Variants in RPAP2 observed in about 807,000 individuals in gnomAD.
RPAP2 encodes RNA polymerase II associated protein 2, also known as putative RNA polymerase II subunit B1 CTD phosphatase RPAP2.
Under a neutral mutation model 73.1 loss-of-function variants are expected in RPAP2, and 52 were observed. That is an observed-to-expected ratio of 0.71 (90% CI 0.57 to 0.90). The LOEUF is 0.90. Ranked by LOEUF, RPAP2 falls within the 40% of genes least tolerant of loss-of-function variation. The probability of loss-of-function intolerance (pLI) is 0.00; values close to 1 mark genes in which losing one functional copy is unlikely to be tolerated. For synonymous variants in RPAP2, 225 were observed against 242.1 expected (o/e 0.93, Z 0.65); for missense variants, 598 against 701.8 (o/e 0.85, Z 1.67).
rs193032375 is a variant in RPAP2 at position 92,329,309 on chromosome 1, A to G, written c.1456-4082A>G. On this transcript the variant is annotated intron_variant, in intron 8 of 12. Transcript: ENST00000610020. The stretch of plus-strand genomic sequence containing the variant: ...CATTGTGTGATTCCCAGGCCAATGG[A>G]GTTATGTTCCCAGGTGGATTATGGC... Among the ~76,000 whole-genome samples, 535 of 152,184 alleles carry G rather than the reference A, an allele frequency of 3.5e-3. 1 individual carries two copies. The highest frequency in any genetic ancestry group is 6.1e-3 in the Non-Finnish European group (412 of 68,002).
chr1:92,299,946 G>A (rs185193905), intron 1 of RPAP2, among the ~76,000 whole-genome samples: 3 of 152,264 alleles, frequency 2.0e-5, no homozygotes, highest in Admixed American at 2.0e-4. Context: ...CCATCATCGA[G>A]TGCACTTACA....
intron 10 of RPAP2, 53 bp from the exon 11 acceptor site, chr1:92,345,793 A>G: frequency 9.0e-7 from 1 of 1,114,720 alleles, no homozygotes; most frequent in Non-Finnish European, 1.3e-6. Flanking sequence ...AGAAAGAAAT[A>G]GAAAGTTTAT....
rs1159877036 is a variant in RPAP2, at chr1:92,391,043, A to C, written c.*4032A>C. ...GCTCTGGACCAAGCAGACCTAATAG[A>C]CATCGACAGAACTCTCCACCCCAAA... On this transcript the variant is annotated 3_prime_UTR_variant, in exon 13 of 13. Coordinates refer to ENST00000610020, the MANE Select transcript of RPAP2 (RefSeq NM_024813.3). The C allele has an allele frequency of 6.6e-6, 1 of 152,242 alleles. No individual in the cohort carries two copies. The highest frequency in any genetic ancestry group is 1.5e-5 in the Non-Finnish European group (1 of 68,044). The allele number at this position is 152,242 out of a possible 1,614,324, so 9.4% of individuals were successfully genotyped here.
In RPAP2 at chr1:92,303,966, T is replaced by C. The variant is rs746502898; in HGVS notation, c.235-11T>C. On this transcript the variant is annotated splice_polypyrimidine_tract_variant and intron_variant, in intron 3 of 12. Transcript: ENST00000610020. ...AAACTAGGAGGAAATAACCCTCTCA[T>C]TTCATTTTAGGGGAGGTTCATTACA... The C allele has an allele frequency of 1.3e-6, 2 of 1,576,782 alleles. No homozygotes were observed. The highest frequency in any genetic ancestry group is 2.3e-5 in the South Asian group (2 of 86,038).
intron 11 of RPAP2, among the ~76,000 whole-genome samples, chr1:92,377,516 C>CAAA (rs530908177): frequency 1.0e-4 from 8 of 76,582 alleles, no homozygotes; most frequent in African/African-American, 1.6e-4. Context: ...AACTTTGTCT[C>CAAA]AAAAAAAAAA....
At chr1:92,337,721 T>C (rs888664099) in intron 10 of RPAP2, among the ~76,000 whole-genome samples, 7 of 152,120 alleles carry the variant, frequency 4.6e-5, no homozygotes, top group Non-Finnish European at 1.0e-4. Flanking sequence ...TGGATTATTA[T>C]ATATCTGTTG....
intron 6 of RPAP2, among the ~76,000 whole-genome samples, chr1:92,316,431 A>G (rs1247616220): frequency 1.3e-5 from 2 of 152,214 alleles, no homozygotes; most frequent in African/African-American, 4.8e-5. Flanking sequence ...TACATATAAC[A>G]TACATATTCC....
At chr1:92,333,201 G>A (rs1185420792) in intron 8 of RPAP2, 190 bp from the exon 9 acceptor site, 2 of 529,162 alleles carry the variant, frequency 3.8e-6, no homozygotes, top group African/African-American at 1.9e-5. Flanking sequence ...GAGGGCAAAT[G>A]ACTCAAAGAA....
intron 3 of RPAP2, among the ~76,000 whole-genome samples, chr1:92,302,744 C>T (rs1048653162): frequency 3.3e-5 from 5 of 151,374 alleles, no homozygotes; most frequent in African/African-American, 1.2e-4. Context: ...TGGGACTGGG[C>T]GCCCACCATT....
At position 92,387,024 on chromosome 1, in the gene RPAP2, A is replaced by G. The variant is rs554752692; in HGVS notation, c.*13A>G. 7.6e-6 allele frequency: 12 copies of G among 1,588,654 alleles called. No individual in the cohort carries two copies. In the East Asian group the frequency reaches 2.3e-4, roughly 30 times the overall value. ...TTTGCTTCACAGATATATTCCATGA[A>G]GACAAAATAGAAGATGAACTTCTAT... On this transcript the variant is annotated 3_prime_UTR_variant, in exon 13 of 13. Transcript: ENST00000610020.
Position 92,389,312 on chromosome 1 carries a change from A to G in RPAP2, c.*2301A>G, listed in dbSNP as rs1655971270. ...AGACCTGCAGCTAAGGGGCCTGTCT[A>G]TTAGAAGGAAAACTAACAGAAAGGA... On this transcript the variant is annotated 3_prime_UTR_variant, in exon 13 of 13. Transcript: ENST00000610020. 6.6e-6 allele frequency: 1 copy of G among 152,482 alleles called. No homozygotes were observed. The highest frequency in any genetic ancestry group is 2.4e-5 in the African/African-American group (1 of 41,460). 9.4% of individuals were successfully genotyped at this position (152,482 alleles called of 1,614,324 possible).
In RPAP2 at chr1:92,368,402, C is replaced by T. The variant is rs116557523; in HGVS notation, c.1689-12322C>T. Among the ~76,000 whole-genome samples, 272 of 152,102 alleles carry T rather than the reference C, an allele frequency of 1.8e-3. 3 individuals carry two copies. The highest frequency in any genetic ancestry group is 6.0e-3 in the African/African-American group (249 of 41,526). The stretch of plus-strand genomic sequence containing the variant: ...TCAAAAAAAGAAAAAAATCCAAGTT[C>T]GTTACTGACTTTTATTGTACTCCAC... On this transcript the variant is annotated intron_variant, in intron 11 of 12. Coordinates refer to ENST00000610020, the MANE Select transcript of RPAP2 (RefSeq NM_024813.3).
rs1654785413 is a variant in RPAP2 at position 92,362,788 on chromosome 1, T to A, written c.1688+16874T>A. On this transcript the variant is annotated intron_variant, in intron 11 of 12. Coordinates refer to ENST00000610020, the MANE Select transcript of RPAP2 (RefSeq NM_024813.3). Reference sequence around the variant, plus strand: ...ATGTTTTTTATCACTTACAGGTTTTTCATTGCAATGAGTGACAAATCTGCT... The same window carrying A: ...ATGTTTTTTATCACTTACAGGTTTTACATTGCAATGAGTGACAAATCTGCT... Among the ~76,000 whole-genome samples, 3 of 152,290 alleles carry A rather than the reference T, an allele frequency of 2.0e-5. No individual in the cohort carries two copies. The South Asian group carries it at 6.2e-4, about 32-fold the overall frequency.
intron 10 of RPAP2, among the ~76,000 whole-genome samples, chr1:92,338,243 C>G (rs900483265): frequency 1.4e-4 from 21 of 152,098 alleles, no homozygotes; most frequent in Non-Finnish European, 2.5e-4. Context: ...GATTTTTACC[C>G]TCATTAGGTG....
chr1:92,351,305 C>CAAAAAAAAAAAAA lies in RPAP2; in HGVS notation c.1688+5402_1688+5414dup, dbSNP rs60111119. Reference sequence around the variant, plus strand: ...CTGGTGACCGAGTGAGACTCTGTCTCAAAAAAAAAAAAAAAAAAAAAAAGA... The same window carrying CAAAAAAAAAAAAA: ...CTGGTGACCGAGTGAGACTCTGTCTCAAAAAAAAAAAAAAAAAAAAAAAAAAAAAAAAAAAAGA... On this transcript the variant is annotated intron_variant, in intron 11 of 12. Coordinates refer to ENST00000610020, the MANE Select transcript of RPAP2 (RefSeq NM_024813.3). Among the ~76,000 whole-genome samples the CAAAAAAAAAAAAA allele has an allele frequency of 7.8e-4, 68 of 86,840 alleles. 1 individual carries two copies. Among genetic ancestry groups the CAAAAAAAAAAAAA allele is most frequent in the African/African-American group, 2.6e-3 (61 of 23,830 alleles). 57.0% of individuals were successfully genotyped at this position (86,840 alleles called of 152,430 possible).
chr1:92,348,200 A>G lies in RPAP2; in HGVS notation c.1688+2286A>G, dbSNP rs144979781. Among the ~76,000 whole-genome samples the G allele has an allele frequency of 3.9e-4, 59 of 152,298 alleles. No homozygotes were observed. In the East Asian group the frequency reaches 0.011, roughly 28 times the overall value. On this transcript the variant is annotated intron_variant, in intron 11 of 12. Transcript: ENST00000610020. ...CACTGCATCCGGCCTAGGGCACTCA[A>G]TCTTGAAATTGTAGCAGTAAACACT...
chr1:92,311,733 A>G (rs1370681039), intron 6 of RPAP2, among the ~76,000 whole-genome samples: 1 of 152,244 alleles, frequency 6.6e-6, no homozygotes, highest in Admixed American at 6.5e-5. Context: ...CTAAAGCAAT[A>G]AAGCAATCAT....
In RPAP2 at chr1:92,388,082, G is replaced by A. The variant is rs1655928260; in HGVS notation, c.*1071G>A. 1 of 152,036 alleles carries A rather than the reference G, an allele frequency of 6.6e-6. No individual in the cohort carries two copies. Among genetic ancestry groups the A allele is most frequent in the East Asian group, 1.9e-4 (1 of 5,190 alleles). The allele number at this position is 152,036 out of a possible 1,614,324, so 9.4% of individuals were successfully genotyped here. A position where few individuals can be genotyped will look rare whatever the true frequency, so the allele number is the denominator to read the frequency against. Reference sequence around the variant, plus strand: ...TAATAGAATTAATCAAGTTCAGCAAGGTCACAGGCTAGATCAATATACAGA... The same window carrying A: ...TAATAGAATTAATCAAGTTCAGCAAAGTCACAGGCTAGATCAATATACAGA... On this transcript the variant is annotated 3_prime_UTR_variant, in exon 13 of 13. Coordinates refer to ENST00000610020, the MANE Select transcript of RPAP2 (RefSeq NM_024813.3).
In RPAP2 at chr1:92,399,850, C is replaced by T. The variant is rs551295920; in HGVS notation, c.*12839C>T. The T allele has an allele frequency of 6.6e-6, 1 of 152,194 alleles. No homozygotes were observed. The highest frequency in any genetic ancestry group is 1.9e-4 in the East Asian group (1 of 5,174). The allele number at this position is 152,194 out of a possible 1,614,324, so 9.4% of individuals were successfully genotyped here. A position where few individuals can be genotyped will look rare whatever the true frequency, so the allele number is the denominator to read the frequency against. ...GGCCACAATGGGAGAAAAGACAGTC[C>T]ACCTTCAAAGTCAACCAGAATGACT... On this transcript the variant is annotated 3_prime_UTR_variant, in exon 13 of 13. Coordinates refer to ENST00000610020, the MANE Select transcript of RPAP2 (RefSeq NM_024813.3).
Sources: gnomAD v4.1 joint callset for allele counts (sites outside exome capture counted in the v4.1 genomes callset) on GRCh38, gnomAD v4.1.1 for gene constraint, MANE v1.5 for transcripts, NCBI Gene and HGNC (gene_info 2026-07-23, HGNC 2026-07-21) for gene names.